Variants in CDK7 observed in about 807,000 individuals in gnomAD.
CDK7 encodes cyclin-dependent kinase 7.
A neutral mutation model predicts 49.1 loss-of-function variants in CDK7; 25 were observed. The ratio of observed to expected loss-of-function variants is 0.51; its 90% CI spans 0.37 to 0.71. CDK7 has a LOEUF of 0.71. Ranked by LOEUF, CDK7 falls within the 30% of genes least tolerant of loss-of-function variation. The pLI is 0.00. For synonymous variants in CDK7, 107 were observed against 140.0 expected (o/e 0.76, Z 1.67); for missense variants, 316 against 411.7 (o/e 0.77, Z 2.01).
chr5:69,241,319 T>G (rs1032284804), intron 2 of CDK7, among the ~76,000 whole-genome samples: 3 of 95,536 alleles, frequency 3.1e-5, no homozygotes, highest in South Asian at 3.7e-4. Flanking sequence ...TTTTTCTTTT[T>G]TTTTTTTTTT....
At chr5:69,256,803 A>C (rs1010864223) in intron 5 of CDK7, among the ~76,000 whole-genome samples, 2 of 151,976 alleles carry the variant, frequency 1.3e-5, no homozygotes, top group African/African-American at 4.8e-5. Flanking sequence ...CCACTAGGCT[A>C]TGGATTGCAC....
In CDK7 at chr5:69,252,456, G is replaced by A; in HGVS notation, c.160+5G>A. 1.9e-6 allele frequency: 2 copies of A among 1,057,322 alleles called. No homozygotes were observed. Among genetic ancestry groups the A allele is most frequent in the Non-Finnish European group, 2.7e-6 (2 of 750,396 alleles). The allele number at this position is 1,057,322 out of a possible 1,614,324, so 65.5% of individuals were successfully genotyped here. On this transcript the variant is annotated splice_donor_5th_base_variant and intron_variant, in intron 3 of 11. Coordinates refer to ENST00000256443, the MANE Select transcript of CDK7 (RefSeq NM_001799.4). ...ATAGATCAGAAGCTAAAGATGGTAA[G>A]TATTTCATGTAATCTGACAGATAGG...
chr5:69,252,269 C>T (rs989651487), intron 2 of CDK7, 149 bp from the exon 3 acceptor site: 4 of 599,104 alleles, frequency 6.7e-6, no homozygotes, highest in African/African-American at 2.0e-5. Context: ...ATCATGATTC[C>T]TACTCTCTTT....
Position 69,276,849 on chromosome 5 carries a change from GTA to G in CDK7, c.1012+161_1012+162del, listed in dbSNP as rs1347622658. Reference sequence around the variant, plus strand: ...AAGTAGAGAGACTGTGCCGTTTTAGGTATGTTTACTTTCATTGTGAATACTTC... The same window carrying G: ...AAGTAGAGAGACTGTGCCGTTTTAGGTGTTTACTTTCATTGTGAATACTTC... On this transcript the variant is annotated intron_variant, in intron 11 of 11. Transcript: ENST00000256443. The G allele has an allele frequency of 4.1e-6, 3 of 733,878 alleles. No homozygotes were observed. In the African/African-American group the frequency reaches 5.3e-5, roughly 13 times the overall value. 45.5% of individuals were successfully genotyped at this position (733,878 alleles called of 1,614,324 possible).
intron 7 of CDK7, 140 bp downstream of exon 7, chr5:69,260,076 C>T (rs928029972): frequency 1.3e-5 from 8 of 610,586 alleles, no homozygotes; most frequent in Admixed American, 3.0e-5. Flanking sequence ...TGGCCAGGCG[C>T]GGTGACTCAT....
At chr5:69,236,705 G>A (rs1225028811) in intron 2 of CDK7, among the ~76,000 whole-genome samples, 1 of 151,512 alleles carries the variant, frequency 6.6e-6, no homozygotes, top group Non-Finnish European at 1.5e-5. Context: ...AGGCTGGAGT[G>A]CAATTGTGCG....
In CDK7 at chr5:69,277,104, T is replaced by G. The variant is rs781234036; in HGVS notation, c.1013-3T>G. ...TTTTTTTCTTGTTCTTTTTGCTTCCTAGGAGGATTGCCCAAGAAACTAATT... is the reference window on the plus strand; with the variant it reads ...TTTTTTTCTTGTTCTTTTTGCTTCCGAGGAGGATTGCCCAAGAAACTAATT... On this transcript the variant is annotated splice_region_variant and splice_polypyrimidine_tract_variant and intron_variant, in intron 11 of 11. Coordinates refer to ENST00000256443, the MANE Select transcript of CDK7 (RefSeq NM_001799.4). 2 of 1,595,006 alleles carry G rather than the reference T, an allele frequency of 1.3e-6. No homozygotes were observed. Among genetic ancestry groups the G allele is most frequent in the South Asian group, 1.2e-5 (1 of 86,090 alleles).
intron 2 of CDK7, among the ~76,000 whole-genome samples, chr5:69,244,872 T>G (rs1176455996): frequency 1.3e-5 from 2 of 152,148 alleles, no homozygotes; most frequent in Non-Finnish European, 2.9e-5. Flanking sequence ...ACCCAGTTTT[T>G]TAAGAGTTTT....
intron 2 of CDK7, among the ~76,000 whole-genome samples, chr5:69,237,355 C>T (rs1749068466): frequency 6.6e-6 from 1 of 152,164 alleles, no homozygotes; most frequent in African/African-American, 2.4e-5. Context: ...ATTCCAGTCC[C>T]AGAATCACAG....
chr5:69,264,144 G>GA (rs748520329), intron 8 of CDK7, among the ~76,000 whole-genome samples: 4 of 152,112 alleles, frequency 2.6e-5, no homozygotes, highest in Non-Finnish European at 5.9e-5. Context: ...AAGAAACTTG[G>GA]AAAAAATGGA....
intron 10 of CDK7, among the ~76,000 whole-genome samples, chr5:69,274,829 T>A (rs749394844): frequency 6.6e-6 from 1 of 152,174 alleles, no homozygotes; most frequent in African/African-American, 2.4e-5. Flanking sequence ...TTATCGAGGC[T>A]GATCTCGAAC....
rs1297805011 is a variant in CDK7, at chr5:69,259,850, A to G, written c.441A>G (p.Glu147=). The part of the protein sequence containing the change: ...DLKPNNLLLD[E]NGVLKLADFG... ...AACCAAACAACTTGTTGCTAGATGA[A>G]AATGGAGTTCTAAAACTGGCAGATT... The change falls in exon 7 of 12, where the codon GAA becomes GAG. Residue 147 remains glutamate, a synonymous_variant. Coordinates refer to ENST00000256443, the MANE Select transcript of CDK7 (RefSeq NM_001799.4). 6.2e-7 allele frequency: 1 copy of G among 1,613,978 alleles called. No individual in the cohort carries two copies. Among genetic ancestry groups the G allele is most frequent in the Non-Finnish European group, 8.5e-7 (1 of 1,179,966 alleles).
intron 4 of CDK7, 43 bp downstream of exon 4, chr5:69,254,712 T>G: frequency 9.8e-7 from 1 of 1,017,918 alleles, no homozygotes; most frequent in Non-Finnish European, 1.6e-6. Flanking sequence ...GGACTCTGCC[T>G]TTTCTTAATA....
At chr5:69,269,120 C>A in intron 8 of CDK7, 87 bp from the exon 9 acceptor site, 2 of 772,440 alleles carry the variant, frequency 2.6e-6, no homozygotes, top group Admixed American at 5.0e-5. Context: ...GCCTGGGTGA[C>A]AGAGCGAGAC....
intron 2 of CDK7, among the ~76,000 whole-genome samples, chr5:69,242,280 A>T (rs1377035597): frequency 6.6e-6 from 1 of 152,142 alleles, no homozygotes; most frequent in Non-Finnish European, 1.5e-5. Context: ...ATAGTTTGGT[A>T]GGCAGTGGGC....
At chr5:69,247,744 CTATT>C (rs1299784988) in intron 2 of CDK7, among the ~76,000 whole-genome samples, 1 of 151,420 alleles carries the variant, frequency 6.6e-6, no homozygotes, top group Non-Finnish European at 1.5e-5. Context: ...TTTTGTGTAT[CTATT>C]GTTATGTTTT....
In CDK7 at chr5:69,269,397, C is replaced by G. The variant is rs1751378193; in HGVS notation, c.714+104C>G. 1.1e-5 allele frequency: 8 copies of G among 704,886 alleles called. No homozygotes were observed. In the South Asian group the frequency reaches 1.7e-4, roughly 15 times the overall value. The allele number at this position is 704,886 out of a possible 1,614,324, so 43.7% of individuals were successfully genotyped here. A position where few individuals can be genotyped will look rare whatever the true frequency, so the allele number is the denominator to read the frequency against. On this transcript the variant is annotated intron_variant, in intron 9 of 11. Coordinates refer to ENST00000256443, the MANE Select transcript of CDK7 (RefSeq NM_001799.4). ...CTGTCACGTGAATATTAAAGACATT[C>G]ATTATAATATGTACTCAGAACACTT...
intron 8 of CDK7, among the ~76,000 whole-genome samples, chr5:69,268,265 A>G (rs1362509786): frequency 6.6e-6 from 1 of 152,186 alleles, no homozygotes; most frequent in Non-Finnish European, 1.5e-5. Flanking sequence ...ACCGAATTGT[A>G]AATGCTTGTT....
rs201726671 is a variant in CDK7 at position 69,234,937 on chromosome 5, C to T, written c.-39C>T. The T allele has an allele frequency of 2.2e-5, 35 of 1,562,834 alleles. No individual in the cohort carries two copies. The East Asian group carries it at 8.2e-4, about 37-fold the overall frequency. Reference sequence around the variant, plus strand: ...CTTTAAATTCGTGTTGTCCTGGGAGCTCGCCCTTTTCGGCTGGAGTCGGGC... The same window carrying T: ...CTTTAAATTCGTGTTGTCCTGGGAGTTCGCCCTTTTCGGCTGGAGTCGGGC... On this transcript the variant is annotated 5_prime_UTR_variant, in exon 1 of 12. Coordinates refer to ENST00000256443, the MANE Select transcript of CDK7 (RefSeq NM_001799.4).
Sources: gnomAD v4.1 joint callset for allele counts (sites outside exome capture counted in the v4.1 genomes callset) on GRCh38, gnomAD v4.1.1 for gene constraint, MANE v1.5 for transcripts, NCBI Gene and HGNC (gene_info 2026-07-23, HGNC 2026-07-21) for gene names.